Variants in AK9 observed in about 807,000 individuals in gnomAD.
AK9 encodes the protein adenylate kinase 9.
A neutral mutation model predicts 239.6 loss-of-function variants in AK9; 191 were observed. The ratio of observed to expected loss-of-function variants is 0.80; its 90% CI spans 0.71 to 0.90. The LOEUF (loss-of-function observed/expected upper bound fraction) is 0.90, where lower values mean the gene tolerates loss of function less well. Ranked by LOEUF, AK9 falls within the 40% of genes least tolerant of loss-of-function variation. The probability of loss-of-function intolerance (pLI) is 0.00; values close to 1 mark genes in which losing one functional copy is unlikely to be tolerated. For synonymous variants in AK9, 689 were observed against 721.0 expected (o/e 0.96, Z 0.71); for missense variants, 1,995 against 2,214.7 (o/e 0.90, Z 1.99).
At chr6:109,586,199 G>A in intron 17 of AK9, 127 bp from the exon 18 acceptor site, 1 of 855,778 alleles carries the variant, frequency 1.2e-6, no homozygotes, top group Non-Finnish European at 1.7e-6. Flanking sequence ...GAAAAAAAAG[G>A]GTGACAATTT....
At chr6:109,647,576 C>A (rs1798248934) in intron 8 of AK9, among the ~76,000 whole-genome samples, 3 of 152,184 alleles carry the variant, frequency 2.0e-5, no homozygotes, top group South Asian at 4.1e-4. Context: ...CAGGAGCACC[C>A]AGATTCATAA....
chr6:109,534,465 A>G (rs1781706123), intron 27 of AK9, among the ~76,000 whole-genome samples: 1 of 150,118 alleles, frequency 6.7e-6, no homozygotes, highest in South Asian at 2.1e-4. Context: ...ATTTAAATAT[A>G]TATTTTCTTC....
chr6:109,506,480 T>G lies in AK9; in HGVS notation c.4696A>C (p.Ile1566Leu). Reference protein sequence around the residue: ...AVNNVKYRKNIGEIRQYYQEQ... With the variant: ...AVNNVKYRKNLGEIRQYYQEQ... Reference sequence around the variant, plus strand: ...TGATAATATTGCCTAATCTCACCAATATTTTTGCGATACTTTACATTATTG... The same window carrying G: ...TGATAATATTGCCTAATCTCACCAAGATTTTTGCGATACTTTACATTATTG... The change falls in exon 35 of 41, where the codon ATT becomes CTT. Residue 1566 changes from isoleucine (I) to leucine (L), a missense_variant. Ile to Leu is a conservative substitution (Grantham distance 5, BLOSUM62 2). Transcript: ENST00000424296. 1 of 1,613,474 alleles carries G rather than the reference T, an allele frequency of 6.2e-7. No individual in the cohort carries two copies. Among genetic ancestry groups the G allele is most frequent in the Non-Finnish European group, 8.5e-7 (1 of 1,179,716 alleles).
chr6:109,608,776 G>C (rs544670386), intron 17 of AK9, among the ~76,000 whole-genome samples: 5 of 151,918 alleles, frequency 3.3e-5, no homozygotes, highest in African/African-American at 1.2e-4. Context: ...TATTTGTAAA[G>C]ATAATTGCAA....
At chr6:109,599,134 C>A (rs1791528097) in intron 17 of AK9, among the ~76,000 whole-genome samples, 1 of 152,322 alleles carries the variant, frequency 6.6e-6, no homozygotes, top group East Asian at 1.9e-4. Context: ...GTGTTTTAGA[C>A]ATGAAGTCCT....
intron 17 of AK9, among the ~76,000 whole-genome samples, chr6:109,602,826 C>T (rs1467792383): frequency 1.3e-5 from 2 of 152,130 alleles, no homozygotes; most frequent in East Asian, 3.8e-4. Context: ...TTCATTTGAT[C>T]TTTAATCACT....
At chr6:109,564,311 AG>A in intron 22 of AK9, 31 bp from the exon 23 acceptor site, 5 of 1,495,134 alleles carry the variant, frequency 3.3e-6, no homozygotes, top group Non-Finnish European at 4.5e-6. Context: ...GAAAGAAAAA[AG>A]GGGCTTTAAA....
chr6:109,611,240 T>A (rs926528398), intron 16 of AK9, among the ~76,000 whole-genome samples: 2 of 152,158 alleles, frequency 1.3e-5, no homozygotes, highest in African/African-American at 4.8e-5. Context: ...CAAAAGCAGT[T>A]GCCTGCTGCC....
At chr6:109,607,768 G>GGTGTGTGTGTGTGTGTGTGT (rs10648225) in intron 17 of AK9, among the ~76,000 whole-genome samples, 1 of 145,382 alleles carries the variant, frequency 6.9e-6, no homozygotes, top group African/African-American at 2.6e-5. Flanking sequence ...CCAGCAGAGG[G>GGTGTGTGTGTGTGTGTGTGT]GTGTGTGTGT....
At chr6:109,664,182 A>G (rs978469014) in intron 5 of AK9, among the ~76,000 whole-genome samples, 6 of 152,188 alleles carry the variant, frequency 3.9e-5, no homozygotes, top group African/African-American at 2.4e-5. Context: ...CTAATATGGT[A>G]AATATAAATA....
chr6:109,640,141 G>GAAAA (rs1797220001), intron 10 of AK9, among the ~76,000 whole-genome samples: 1 of 151,842 alleles, frequency 6.6e-6, no homozygotes. Context: ...GCTCTTTTTT[G>GAAAA]GTTCCATATG....
At chr6:109,632,027 T>C (rs957007848) in intron 12 of AK9, 2 of 350,384 alleles carry the variant, frequency 5.7e-6, no homozygotes, top group Non-Finnish European at 4.0e-6. Flanking sequence ...GTGTGGAGAG[T>C]GAGGAGACTG....
chr6:109,545,184 A>G (rs969368110), intron 26 of AK9, among the ~76,000 whole-genome samples: 1 of 152,174 alleles, frequency 6.6e-6, no homozygotes, highest in African/African-American at 2.4e-5. Flanking sequence ...TCATGCCTAT[A>G]ATCCCAGCAC....
Position 109,587,608 on chromosome 6 carries a change from GTCTT to G in AK9, c.1843-1540_1843-1537del, listed in dbSNP as rs367711122. 1.6e-4 allele frequency among the ~76,000 whole-genome samples: 24 copies of G among 152,124 alleles called. No homozygotes were observed. In the East Asian group the frequency reaches 4.2e-3, roughly 27 times the overall value. ...CCAATTGTGAGAACATGCGGTATTT[GTCTT>G]TCTGTGTCTGAGTTGTTTCACTTAA... is the stretch of plus-strand genomic sequence containing the variant. On this transcript the variant is annotated intron_variant, in intron 17 of 40. Transcript: ENST00000424296.
chr6:109,498,249 T>C (rs1292249450), intron 36 of AK9, among the ~76,000 whole-genome samples: 1 of 152,234 alleles, frequency 6.6e-6, no homozygotes, highest in African/African-American at 2.4e-5. Context: ...AGCAGGCCCC[T>C]GCCAGCCCGT....
At chr6:109,613,871 A>G (rs899336386) in intron 15 of AK9, among the ~76,000 whole-genome samples, 11 of 152,072 alleles carry the variant, frequency 7.2e-5, no homozygotes, top group Non-Finnish European at 1.5e-4. Flanking sequence ...TGATTCCAAT[A>G]CGTTAAAGTA....
At position 109,579,397 on chromosome 6, in the gene AK9, A is replaced by G. The variant is rs1324457003; in HGVS notation, c.2191+153T>C. 3 of 631,486 alleles carry G rather than the reference A, an allele frequency of 4.8e-6. No individual in the cohort carries two copies. In the African/African-American group the frequency reaches 5.6e-5, roughly 12 times the overall value. The allele number at this position is 631,486 out of a possible 1,614,324, so 39.1% of individuals were successfully genotyped here. ...CTGGAACACTTTAAGAATAAAAGGT[A>G]CTATAAAGACTTCAAGAATATAGGC... On this transcript the variant is annotated intron_variant, in intron 20 of 40. Coordinates refer to ENST00000424296, the MANE Select transcript of AK9 (RefSeq NM_001145128.3).
intron 12 of AK9, chr6:109,632,535 T>A (rs1583335035): frequency 8.5e-6 from 2 of 233,992 alleles, no homozygotes; most frequent in African/African-American, 2.3e-5. Context: ...ATCTTTGTAA[T>A]ACTGAAATCA....
chr6:109,510,217 C>T (rs544544377), intron 32 of AK9, among the ~76,000 whole-genome samples: 2 of 152,158 alleles, frequency 1.3e-5, no homozygotes, highest in Non-Finnish European at 2.9e-5. Flanking sequence ...GCACTTCCTC[C>T]CCTCTGAGGT....
Sources: allele counts gnomAD v4.1 joint callset (sites outside exome capture counted in the v4.1 genomes callset), GRCh38; gene constraint gnomAD v4.1.1; transcripts MANE v1.5; gene names NCBI Gene and HGNC (gene_info 2026-07-23, HGNC 2026-07-21).